The following ANKRD44 variants were observed in gnomAD, a reference collection of about 807,000 sequenced individuals.
ANKRD44 encodes serine/threonine-protein phosphatase 6 regulatory ankyrin repeat subunit B.
Under a neutral mutation model 116.0 loss-of-function variants are expected in ANKRD44, and 35 were observed. The ratio of observed to expected loss-of-function variants is 0.30; its 90% CI spans 0.23 to 0.40. The LOEUF is 0.40. ANKRD44 is among the 10% of genes least tolerant of loss of function. The probability of loss-of-function intolerance (pLI) is 1.00; values close to 1 mark genes in which losing one functional copy is unlikely to be tolerated. For synonymous variants in ANKRD44, 435 were observed against 461.8 expected (o/e 0.94, Z 0.74); for missense variants, 1,014 against 1,242.6 (o/e 0.82, Z 2.77).
rs376199183 is a variant in ANKRD44 at position 197,204,351 on chromosome 2, ATAT to A, written c.28-17248_28-17246del. Among the ~76,000 whole-genome samples the A allele has an allele frequency of 9.2e-5, 14 of 152,332 alleles. No individual in the cohort carries two copies. In the East Asian group the frequency reaches 1.5e-3, roughly 17 times the overall value. On this transcript the variant is annotated intron_variant, in intron 1 of 27. Transcript: ENST00000282272. ...TTTTGTAATTTCCAAATTTTCTATA[ATAT>A]TATGTTTATTATTATTGTTAACTAT...
chr2:197,213,577 C>T (rs2081372962), intron 1 of ANKRD44, among the ~76,000 whole-genome samples: 2 of 152,200 alleles, frequency 1.3e-5, no homozygotes, highest in African/African-American at 4.8e-5. Context: ...AAGCATTGCT[C>T]ATTATACACT....
chr2:197,065,319 T>C (rs1448998741), intron 16 of ANKRD44, among the ~76,000 whole-genome samples: 1 of 152,112 alleles, frequency 6.6e-6, no homozygotes, highest in East Asian at 1.9e-4. Context: ...TAGAGGGAAA[T>C]TTATAGCACT....
At chr2:197,294,428 A>G (rs1357462239) in intron 1 of ANKRD44, among the ~76,000 whole-genome samples, 2 of 152,150 alleles carry the variant, frequency 1.3e-5, no homozygotes, top group Non-Finnish European at 2.9e-5. Flanking sequence ...TCTTCATCCA[A>G]GATCAAACAG....
At chr2:197,073,726 C>G (rs1336390584) in intron 16 of ANKRD44, among the ~76,000 whole-genome samples, 1 of 152,198 alleles carries the variant, frequency 6.6e-6, no homozygotes, top group Non-Finnish European at 1.5e-5. Context: ...CACAGCAGAG[C>G]TAGCTCCAAA....
At chr2:197,167,008 T>C (rs572649475) in intron 2 of ANKRD44, among the ~76,000 whole-genome samples, 2 of 152,330 alleles carry the variant, frequency 1.3e-5, no homozygotes, top group South Asian at 4.1e-4. Context: ...TTTAAGCTAA[T>C]AGAAATTAAT....
intron 9 of ANKRD44, among the ~76,000 whole-genome samples, chr2:197,108,132 A>C (rs1482568243): frequency 1.3e-5 from 2 of 152,152 alleles, no homozygotes; most frequent in African/African-American, 4.8e-5. Context: ...GGTGGTTGAG[A>C]GTTCAGTCTC....
chr2:197,077,215 G>A (rs1179296098), intron 16 of ANKRD44, among the ~76,000 whole-genome samples: 1 of 152,066 alleles, frequency 6.6e-6, no homozygotes, highest in Non-Finnish European at 1.5e-5. Context: ...GGTATGAGAT[G>A]GTACCTCATT....
chr2:197,044,950 G>C (rs2076975756), intron 16 of ANKRD44, among the ~76,000 whole-genome samples: 2 of 152,234 alleles, frequency 1.3e-5, no homozygotes, highest in South Asian at 4.1e-4. Flanking sequence ...TGCTCAGAGA[G>C]GGTGCTGAAT....
intron 1 of ANKRD44, among the ~76,000 whole-genome samples, chr2:197,290,445 A>G (rs565217936): frequency 4.6e-5 from 7 of 151,686 alleles, no homozygotes; most frequent in African/African-American, 7.3e-5. Flanking sequence ...ATTTTTTTTT[A>G]TTGCTGATTC....
intron 16 of ANKRD44, among the ~76,000 whole-genome samples, chr2:197,060,971 T>A (rs2077299974): frequency 6.6e-6 from 1 of 152,234 alleles, no homozygotes; most frequent in Non-Finnish European, 1.5e-5. Context: ...CTATTGTGAA[T>A]AGTGCTGCAG....
Position 197,110,831 on chromosome 2 carries a change from T to C in ANKRD44, c.920A>G (p.Lys307Arg). Residue 307 changes from lysine (K) to arginine (R), a missense_variant, in exon 9 of 28, where the codon AAA becomes AGA. Lys to Arg is a conservative substitution (Grantham distance 26). Coordinates refer to ENST00000282272, the MANE Select transcript of ANKRD44 (RefSeq NM_001195144.2). Reference sequence around the variant, plus strand: ...GACAGCTGTCATGTGCAGTGGACTTTTGCCATCTTTACTCTAAAAAAAAGA... The same window carrying C: ...GACAGCTGTCATGTGCAGTGGACTTCTGCCATCTTTACTCTAAAAAAAAGA... The part of the protein sequence containing the change: ...ADVNIQSKDG[K>R]SPLHMTAVHG... The C allele has an allele frequency of 1.2e-6, 2 of 1,614,000 alleles. No individual in the cohort carries two copies. The highest frequency in any genetic ancestry group is 1.7e-6 in the Non-Finnish European group (2 of 1,179,900).
intron 1 of ANKRD44, among the ~76,000 whole-genome samples, chr2:197,273,375 A>T (rs2082954209): frequency 6.6e-6 from 1 of 152,244 alleles, no homozygotes; most frequent in African/African-American, 2.4e-5. Flanking sequence ...CAAAAGGTCA[A>T]TGAGCATATT....
intron 1 of ANKRD44, among the ~76,000 whole-genome samples, chr2:197,230,167 T>G (rs1172584144): frequency 6.6e-6 from 1 of 152,144 alleles, no homozygotes. Flanking sequence ...TGCCAAGAAT[T>G]TTTTTAAAGG....
chr2:197,310,313 C>T (rs979672814), intron 1 of ANKRD44, among the ~76,000 whole-genome samples: 6 of 148,230 alleles, frequency 4.0e-5, no homozygotes, highest in Non-Finnish European at 9.0e-5. Context: ...CCGCGGCCGC[C>T]GCACTCCCGC....
At chr2:197,049,824 G>A (rs2077072099) in intron 16 of ANKRD44, among the ~76,000 whole-genome samples, 1 of 152,048 alleles carries the variant, frequency 6.6e-6, no homozygotes, top group South Asian at 2.1e-4. Context: ...TTAATTAAAG[G>A]AAGAAAGAAG....
At chr2:197,135,509 GGT>G (rs2079195267) in intron 4 of ANKRD44, 1 of 152,158 alleles carries the variant, frequency 6.6e-6, no homozygotes, top group Non-Finnish European at 1.5e-5. Context: ...CATTTACCAT[GGT>G]TTGATGATCA....
At chr2:197,185,932 T>C (rs1003475827) in intron 2 of ANKRD44, among the ~76,000 whole-genome samples, 2 of 152,208 alleles carry the variant, frequency 1.3e-5, no homozygotes, top group African/African-American at 2.4e-5. Context: ...GAGCCACTTA[T>C]AGTCTGTTTC....
At chr2:197,087,721 G>A (rs1349305321) in intron 12 of ANKRD44, among the ~76,000 whole-genome samples, 1 of 152,086 alleles carries the variant, frequency 6.6e-6, no homozygotes, top group African/African-American at 2.4e-5. Flanking sequence ...GTATGTGTTG[G>A]TGTAGCATGC....
At chr2:197,226,980 G>C (rs1260295203) in intron 1 of ANKRD44, among the ~76,000 whole-genome samples, 3 of 152,134 alleles carry the variant, frequency 2.0e-5, no homozygotes, top group African/African-American at 7.2e-5. Flanking sequence ...CTAACAGCCA[G>C]TCTGACTGCT....
Sources: gnomAD v4.1 joint callset for allele counts (sites outside exome capture counted in the v4.1 genomes callset) on GRCh38, gnomAD v4.1.1 for gene constraint, MANE v1.5 for transcripts, NCBI Gene and HGNC (gene_info 2026-07-23, HGNC 2026-07-21) for gene names.